CACNA1H: variants seen among roughly 807,000 people sequenced by gnomAD.
CACNA1H encodes the protein voltage-dependent T-type calcium channel subunit alpha-1H.
Under a neutral mutation model 192.5 loss-of-function variants are expected in CACNA1H, and 149 were observed. That is an observed-to-expected ratio of 0.77 (90% CI 0.68 to 0.89). CACNA1H has a LOEUF of 0.89. CACNA1H is among the 40% of genes least tolerant of loss of function. The probability of loss-of-function intolerance (pLI) is 0.00; values close to 1 mark genes in which losing one functional copy is unlikely to be tolerated. For missense variants in CACNA1H, 4,257 were observed against 3,423.5 expected (o/e 1.24, Z -6.08); for synonymous variants, 2,202 against 1,475.2 (o/e 1.49, Z -11.29).
intron 6 of CACNA1H, among the ~76,000 whole-genome samples, chr16:1,199,728 G>C (rs1404896714): frequency 6.8e-6 from 1 of 147,886 alleles, no homozygotes; most frequent in East Asian, 2.1e-4. Context: ...TTCACCCCAG[G>C]GTCCCCTGAG....
intron 2 of CACNA1H, chr16:1,157,617 G>C (rs1179046414): frequency 5.2e-5 from 8 of 152,392 alleles, no homozygotes; most frequent in African/African-American, 1.9e-4. Context: ...CCTCTCGTGG[G>C]CAGGACGGGG....
At chr16:1,205,321 A>G in intron 11 of CACNA1H, 56 bp downstream of exon 11, 2 of 1,533,110 alleles carry the variant, frequency 1.3e-6, no homozygotes, top group South Asian at 2.4e-5. Context: ...ACTCTCTGGC[A>G]GAAATCCCAC....
intron 2 of CACNA1H, among the ~76,000 whole-genome samples, chr16:1,188,185 T>C (rs541719334): frequency 1.0e-3 from 156 of 152,312 alleles, no homozygotes; most frequent in African/African-American, 3.6e-3. Context: ...GGGGAGGCCC[T>C]GGCCCCAGGA....
At chr16:1,154,766 A>G (rs1962080013) in intron 2 of CACNA1H, among the ~76,000 whole-genome samples, 1 of 152,174 alleles carries the variant, frequency 6.6e-6, no homozygotes. Context: ...AGAGCGGCAC[A>G]GACTGCAGAG....
chr16:1,204,066 A>T lies in CACNA1H; in HGVS notation c.2059A>T (p.Ser687Cys). 1 of 1,600,704 alleles carries T rather than the reference A, an allele frequency of 6.2e-7. No homozygotes were observed. Among genetic ancestry groups the T allele is most frequent in the Non-Finnish European group, 8.5e-7 (1 of 1,174,536 alleles). The stretch of plus-strand genomic sequence containing the variant: ...CCTCAGTGTGCCCTGCCCCCTGCCC[A>T]GCCCCCCAGCGGGCACACTGACCTG... ...SGLSVPCPLPSPPAGTLTCEL... is the reference protein window; with the variant it reads ...SGLSVPCPLPCPPAGTLTCEL... The change falls in exon 10 of 35, where the codon AGC becomes TGC. Residue 687 changes from serine (S) to cysteine (C), a missense_variant. Coordinates refer to ENST00000348261, the MANE Select transcript of CACNA1H (RefSeq NM_021098.3).
rs768941300 is a variant in CACNA1H at position 1,201,659 on chromosome 16, A to G, written c.1213-4A>G. The G allele has an allele frequency of 1.0e-5, 16 of 1,586,790 alleles. 1 individual carries two copies. The highest frequency in any genetic ancestry group is 2.1e-4 in the Middle Eastern group (1 of 4,818). ...TGCCACTTACCCGCCCGCCCCCGTCACAGGTGGGCTCCTTCTTCATGATCA... is the reference window on the plus strand; with the variant it reads ...TGCCACTTACCCGCCCGCCCCCGTCGCAGGTGGGCTCCTTCTTCATGATCA... On this transcript the variant is annotated splice_region_variant and splice_polypyrimidine_tract_variant and intron_variant, in intron 8 of 34. Transcript: ENST00000348261.
At chr16:1,184,517 G>A (rs1965789485) in intron 2 of CACNA1H, among the ~76,000 whole-genome samples, 1 of 152,228 alleles carries the variant, frequency 6.6e-6, no homozygotes, top group Non-Finnish European at 1.5e-5. Flanking sequence ...CATCCTCTGT[G>A]AGCCTGGGAG....
At chr16:1,189,377 C>T (rs1191521617) in intron 2 of CACNA1H, among the ~76,000 whole-genome samples, 4 of 124,342 alleles carry the variant, frequency 3.2e-5, no homozygotes, top group South Asian at 5.7e-4. Flanking sequence ...CTGGACCTGG[C>T]AGGTGCCCTG....
At chr16:1,193,832 C>A (rs868120426) in intron 2 of CACNA1H, among the ~76,000 whole-genome samples, 5 of 152,204 alleles carry the variant, frequency 3.3e-5, no homozygotes, top group South Asian at 2.1e-4. Context: ...GGGGGAGGGG[C>A]TCCAGGCTGG....
At chr16:1,162,284 C>T (rs1339598597) in intron 2 of CACNA1H, among the ~76,000 whole-genome samples, 1 of 152,248 alleles carries the variant, frequency 6.6e-6, no homozygotes, top group East Asian at 1.9e-4. Context: ...CCAGGGTGCC[C>T]CCACCTGCCC....
intron 2 of CACNA1H, among the ~76,000 whole-genome samples, chr16:1,172,086 G>A (rs977606746): frequency 3.3e-5 from 5 of 151,956 alleles, no homozygotes; most frequent in South Asian, 2.1e-4. Flanking sequence ...CAGCCTGCAG[G>A]TGTCAGACGT....
intron 2 of CACNA1H, among the ~76,000 whole-genome samples, chr16:1,163,803 G>A (rs964676566): frequency 6.6e-6 from 1 of 152,218 alleles, no homozygotes; most frequent in Non-Finnish European, 1.5e-5. Flanking sequence ...CTCACACTTG[G>A]GTGCCAGGGT....
rs35494026 is a variant in CACNA1H, at chr16:1,196,071, C to T, written c.643+48C>T. 3,086 of 1,445,466 alleles carry T rather than the reference C, an allele frequency of 2.1e-3. 47 individuals carry two copies. In the African/African-American group the frequency reaches 0.037, roughly 17 times the overall value. The allele number at this position is 1,445,466 out of a possible 1,614,324, so 89.5% of individuals were successfully genotyped here. On this transcript the variant is annotated intron_variant, in intron 5 of 34. Coordinates refer to ENST00000348261, the MANE Select transcript of CACNA1H (RefSeq NM_021098.3). ...GCTTGAGATCAACAGGCTTGCGTGT[C>T]CGCCAGCCCTGCAGAGCTCTCAAAA...
At position 1,220,467 on chromosome 16, in the gene CACNA1H, C is replaced by T. The variant is rs1217510808; in HGVS notation, c.6535C>T (p.Leu2179=). Residue 2179 remains leucine (L), a synonymous_variant, in exon 35 of 35, where the codon CTG becomes TTG. Transcript: ENST00000348261. Reference sequence around the variant, plus strand: ...CTGGGGCCCTGAGGCCGAGCCCGCTCTGGGTGCGCGCAGAAAGAAGAAGAT... The same window carrying T: ...CTGGGGCCCTGAGGCCGAGCCCGCTTTGGGTGCGCGCAGAAAGAAGAAGAT... The part of the protein sequence containing the change: ...KAWGPEAEPA[L]GARRKKKMSP... 4 of 1,546,096 alleles carry T rather than the reference C, an allele frequency of 2.6e-6. No homozygotes were observed. The highest frequency in any genetic ancestry group is 1.7e-6 in the Non-Finnish European group (2 of 1,154,934).
intron 1 of CACNA1H, 109 bp from the exon 2 acceptor site, chr16:1,153,611 G>A (rs1596269981): frequency 1.5e-6 from 1 of 650,394 alleles, no homozygotes; most frequent in Non-Finnish European, 2.1e-6. Flanking sequence ...TCTCTAATAA[G>A]AAAAGACAAA....
intron 14 of CACNA1H, 99 bp downstream of exon 14, chr16:1,207,529 A>T (rs1968884889): frequency 7.6e-7 from 1 of 1,310,634 alleles, no homozygotes; most frequent in South Asian, 1.3e-5. Flanking sequence ...CCAAGAGGTG[A>T]GGGATAGAGA....
intron 2 of CACNA1H, among the ~76,000 whole-genome samples, chr16:1,184,241 C>A (rs1176603507): frequency 6.6e-6 from 1 of 152,380 alleles, no homozygotes; most frequent in East Asian, 1.9e-4. Flanking sequence ...AGGGAGCAGA[C>A]CCTGGCCAAA....
At position 1,220,671 on chromosome 16, in the gene CACNA1H, A is replaced by G. The variant is rs1386122386; in HGVS notation, c.6739A>G (p.Lys2247Glu). 6.2e-7 allele frequency: 1 copy of G among 1,608,700 alleles called. No individual in the cohort carries two copies. Among genetic ancestry groups the G allele is most frequent in the Admixed American group, 1.7e-5 (1 of 59,362 alleles). The change falls in exon 35 of 35, where the codon AAG becomes GAG. Residue 2247 changes from lysine (K) to glutamate (E), a missense_variant. Coordinates refer to ENST00000348261, the MANE Select transcript of CACNA1H (RefSeq NM_021098.3). ...AGGCGCCGGGGGGGACCCTGCAGCC[A>G]AGGGGGAGCGCTGGGGCCAGGCCTC... is the stretch of plus-strand genomic sequence containing the variant. ...GSGAGGDPAAKGERWGQASCR... is the reference protein window; with the variant it reads ...GSGAGGDPAAEGERWGQASCR...
chr16:1,177,941 C>T (rs550498307), intron 2 of CACNA1H, among the ~76,000 whole-genome samples: 8 of 151,910 alleles, frequency 5.3e-5, no homozygotes, highest in Non-Finnish European at 7.4e-5. Flanking sequence ...AGCAGGTGCC[C>T]GGGCTGCGGG....
Sources: gnomAD v4.1 joint callset for allele counts (sites outside exome capture counted in the v4.1 genomes callset) on GRCh38, gnomAD v4.1.1 for gene constraint, MANE v1.5 for transcripts, NCBI Gene and HGNC (gene_info 2026-07-23, HGNC 2026-07-21) for gene names.